Variants in PHACTR3 observed in about 807,000 individuals in gnomAD.
PHACTR3 encodes the protein protein phosphatase 1, regulatory subunit 123.
Under a neutral mutation model 66.8 loss-of-function variants are expected in PHACTR3, and 16 were observed. The observed-to-expected ratio is 0.24, with a 90% CI of 0.16 to 0.36. The LOEUF (loss-of-function observed/expected upper bound fraction) is 0.36. PHACTR3 is among the 10% of genes least tolerant of loss of function. The pLI is 1.00. For missense variants in PHACTR3, 647 were observed against 719.9 expected (o/e 0.90, Z 1.16); for synonymous variants, 323 against 292.1 (o/e 1.11, Z -1.08).
chr20:59,680,925 C>T (rs911164777), intron 1 of PHACTR3, among the ~76,000 whole-genome samples: 1 of 152,206 alleles, frequency 6.6e-6, no homozygotes, highest in African/African-American at 2.4e-5. Context: ...TTCAGGTGCA[C>T]CTGTCATACA....
At chr20:59,585,679 A>G (rs1056729992) in intron 1 of PHACTR3, among the ~76,000 whole-genome samples, 1 of 152,168 alleles carries the variant, frequency 6.6e-6, no homozygotes, top group African/African-American at 2.4e-5. Flanking sequence ...CTCTGTGTCC[A>G]ATGGAGAGCA....
intron 1 of PHACTR3, among the ~76,000 whole-genome samples, chr20:59,579,305 T>A (rs1363355148): frequency 6.6e-6 from 1 of 152,230 alleles, no homozygotes; most frequent in East Asian, 1.9e-4. Context: ...GATGGATGGA[T>A]GGCAGGGCTC....
chr20:59,839,403 C>A (rs923555653), intron 9 of PHACTR3, among the ~76,000 whole-genome samples: 4 of 152,200 alleles, frequency 2.6e-5, no homozygotes, highest in Non-Finnish European at 4.4e-5. Context: ...TGAAACGCAT[C>A]TTTTACATAA....
intron 1 of PHACTR3, among the ~76,000 whole-genome samples, chr20:59,711,132 A>T (rs1228269616): frequency 3.3e-5 from 5 of 152,146 alleles, no homozygotes. Context: ...TGTGTCTTGA[A>T]AATTTTTTGG....
intron 8 of PHACTR3, among the ~76,000 whole-genome samples, chr20:59,813,092 T>C (rs2041785794): frequency 6.6e-6 from 1 of 152,114 alleles, no homozygotes. Context: ...AATGAGGTGG[T>C]TATGGTCCAC....
intron 7 of PHACTR3, among the ~76,000 whole-genome samples, chr20:59,791,843 T>C (rs2041111766): frequency 1.3e-5 from 2 of 151,262 alleles, no homozygotes; most frequent in South Asian, 4.2e-4. Context: ...TGCAAACAGG[T>C]GGTATACTCA....
In PHACTR3 at chr20:59,774,238, T is replaced by C. The variant is rs767669870; in HGVS notation, c.927-5T>C. The C allele has an allele frequency of 1.3e-6, 2 of 1,574,246 alleles. No homozygotes were observed. The highest frequency in any genetic ancestry group is 1.7e-6 in the Non-Finnish European group (2 of 1,163,052). On this transcript the variant is annotated splice_region_variant and splice_polypyrimidine_tract_variant and intron_variant, in intron 6 of 12. Transcript: ENST00000371015. ...CCTATAACCTGAACCATCTTTCTGG[T>C]TTAGTTTTCAAGGAAGAGAAAGTAA...
intron 1 of PHACTR3, among the ~76,000 whole-genome samples, chr20:59,662,538 A>G (rs1402028537): frequency 6.6e-6 from 1 of 152,140 alleles, no homozygotes; most frequent in Non-Finnish European, 1.5e-5. Context: ...GCTAATGGAG[A>G]CAGCACGTCT....
At chr20:59,728,275 A>C (rs1203187950) in intron 1 of PHACTR3, among the ~76,000 whole-genome samples, 3 of 152,092 alleles carry the variant, frequency 2.0e-5, no homozygotes, top group Non-Finnish European at 2.9e-5. Flanking sequence ...TCTGTGCTGC[A>C]GTGGGTGTCA....
At chr20:59,729,931 A>G (rs954933557) in intron 1 of PHACTR3, among the ~76,000 whole-genome samples, 1 of 152,168 alleles carries the variant, frequency 6.6e-6, no homozygotes, top group African/African-American at 2.4e-5. Context: ...CGGACTTGGT[A>G]AATCTTCAGA....
intron 1 of PHACTR3, among the ~76,000 whole-genome samples, chr20:59,653,543 G>T (rs1164238423): frequency 2.0e-5 from 3 of 152,160 alleles, no homozygotes; most frequent in Admixed American, 1.3e-4. Flanking sequence ...TATATCCATA[G>T]TGGGGTGGAA....
At chr20:59,780,904 T>C (rs571578618) in intron 7 of PHACTR3, among the ~76,000 whole-genome samples, 1 of 152,322 alleles carries the variant, frequency 6.6e-6, no homozygotes, top group African/African-American at 2.4e-5. Context: ...TATAGCTTTG[T>C]CTCATTGTGC....
At position 59,830,511 on chromosome 20, in the gene PHACTR3, C is replaced by T. The variant is rs555328533; in HGVS notation, c.1329-5994C>T. Among the ~76,000 whole-genome samples, 104 of 151,988 alleles carry T rather than the reference C, an allele frequency of 6.8e-4. 1 individual carries two copies. The highest frequency in any genetic ancestry group is 2.3e-3 in the South Asian group (11 of 4,806). ...GATGTTGAAAGAGGGTGTGAGCATCCGTCTGATGGAGGAGGCTGTGAGTGT... is the reference window on the plus strand; with the variant it reads ...GATGTTGAAAGAGGGTGTGAGCATCTGTCTGATGGAGGAGGCTGTGAGTGT... On this transcript the variant is annotated intron_variant, in intron 8 of 12. Coordinates refer to ENST00000371015, the MANE Select transcript of PHACTR3 (RefSeq NM_080672.5). The surrounding 1 kb of genome is among the most constrained non-coding windows in gnomAD (Gnocchi z 5.8).
At chr20:59,727,873 C>T (rs896374942) in intron 1 of PHACTR3, among the ~76,000 whole-genome samples, 1 of 152,090 alleles carries the variant, frequency 6.6e-6, no homozygotes, top group Non-Finnish European at 1.5e-5. Context: ...CCAAGTGTTT[C>T]GGATCAAGAA....
chr20:59,674,872 G>T, intron 1 of PHACTR3, among the ~76,000 whole-genome samples: 2 of 67,950 alleles, frequency 2.9e-5, no homozygotes, highest in Admixed American at 2.1e-4. Context: ...CCCTTCTCCT[G>T]TCCCCCGCTT....
chr20:59,758,546 C>G (rs985027739), intron 4 of PHACTR3, among the ~76,000 whole-genome samples: 22 of 152,172 alleles, frequency 1.4e-4, no homozygotes, highest in Non-Finnish European at 1.6e-4. Context: ...TGACATTTGT[C>G]ATCATGCTGG....
chr20:59,764,638 G>C (rs1382712248), intron 4 of PHACTR3, among the ~76,000 whole-genome samples: 2 of 152,146 alleles, frequency 1.3e-5, no homozygotes, highest in African/African-American at 4.8e-5. Flanking sequence ...TTGAGGCCGG[G>C]TGAGCCAGTT....
At chr20:59,813,979 G>A (rs926445671) in intron 8 of PHACTR3, among the ~76,000 whole-genome samples, 1 of 152,262 alleles carries the variant, frequency 6.6e-6, no homozygotes, top group Non-Finnish European at 1.5e-5. Flanking sequence ...TTACTCATCT[G>A]TTCTGTTCGC....
intron 7 of PHACTR3, among the ~76,000 whole-genome samples, chr20:59,795,779 C>T (rs2041237687): frequency 6.6e-6 from 1 of 152,016 alleles, no homozygotes. Context: ...ATAAGCATAG[C>T]TACTCCTGCT....
Sources: allele counts gnomAD v4.1 joint callset (sites outside exome capture counted in the v4.1 genomes callset), GRCh38; gene constraint gnomAD v4.1.1; non-coding constraint Gnocchi (gnomAD v3.1); transcripts MANE v1.5; gene names NCBI Gene and HGNC (gene_info 2026-07-23, HGNC 2026-07-21).